Variants in ST3GAL6 observed in about 807,000 individuals in gnomAD.
ST3GAL6 encodes ST3 beta-galactoside alpha-2,3-sialyltransferase 6.
ST3GAL6 carries 31 observed loss-of-function variants against 40.5 expected under a neutral mutation model. The ratio of observed to expected loss-of-function variants is 0.77; its 90% CI spans 0.58 to 1.03. ST3GAL6 has a LOEUF of 1.03. Among genes scored for constraint, ST3GAL6 ranks in the 50% least tolerant of loss-of-function variants. The probability of loss-of-function intolerance (pLI) is 0.00; values close to 1 mark genes in which losing one functional copy is unlikely to be tolerated. For synonymous variants in ST3GAL6, 129 were observed against 136.9 expected (o/e 0.94, Z 0.40); for missense variants, 357 against 393.2 (o/e 0.91, Z 0.78).
At chr3:98,782,594 T>C in intron 5 of ST3GAL6, 2 of 512,694 alleles carry the variant, frequency 3.9e-6, no homozygotes, top group South Asian at 4.1e-5. Context: ...GCACTGTCCC[T>C]GGGGTCATCC....
chr3:98,746,223 T>C (rs1936535329), intron 1 of ST3GAL6, among the ~76,000 whole-genome samples: 1 of 152,200 alleles, frequency 6.6e-6, no homozygotes, highest in Non-Finnish European at 1.5e-5. Context: ...TCCTGAAGCT[T>C]GGAAGCGTTT....
intron 1 of ST3GAL6, among the ~76,000 whole-genome samples, chr3:98,735,288 A>C (rs921951151): frequency 1.1e-4 from 17 of 152,200 alleles, no homozygotes; most frequent in African/African-American, 4.1e-4. Context: ...CATTCTGCAC[A>C]AATTCTTCCA....
upstream of ST3GAL6, chr3:98,762,716 C>T: frequency 1.2e-6 from 1 of 806,172 alleles, no homozygotes; most frequent in Non-Finnish European, 1.5e-6. Context: ...ACAGTTCATA[C>T]TCTTAAAAAT....
intron 1 of ST3GAL6, among the ~76,000 whole-genome samples, chr3:98,754,131 A>C (rs925349537): frequency 6.6e-6 from 1 of 152,224 alleles, no homozygotes; most frequent in Non-Finnish European, 1.5e-5. Flanking sequence ...TCACATAGAT[A>C]GTGACCCCTC....
Position 98,773,962 on chromosome 3 carries a change from A to T in ST3GAL6, c.314A>T (p.Asp105Val). The change falls in exon 5 of 10, where the codon GAT (aspartate) becomes GTT (valine). Residue 105 changes from aspartate (D) to valine (V), a missense_variant. Transcript: ENST00000483910. The stretch of plus-strand genomic sequence containing the variant: ...GCTCTTTCAAAACTGCAGAGTTGTG[A>T]TCTCTTTGATGAGTTTGACAAGTGA... ...RLALSKLQSC[D>V]LFDEFDNIPC... is the part of the protein sequence containing the mutation. The T allele has an allele frequency of 6.2e-7, 1 of 1,613,356 alleles. No homozygotes were observed. Among genetic ancestry groups the T allele is most frequent in the East Asian group, 2.2e-5 (1 of 44,842 alleles).
chr3:98,768,837 G>T (rs1938656975), intron 2 of ST3GAL6, among the ~76,000 whole-genome samples: 1 of 152,088 alleles, frequency 6.6e-6, no homozygotes, highest in East Asian at 1.9e-4. Context: ...TAATTACTGG[G>T]CTCAGTGGTA....
chr3:98,743,569 A>G (rs957684007), intron 1 of ST3GAL6, among the ~76,000 whole-genome samples: 1 of 152,138 alleles, frequency 6.6e-6, no homozygotes, highest in Non-Finnish European at 1.5e-5. Context: ...TTATGGAAAT[A>G]TATCAGACAT....
intron 1 of ST3GAL6, among the ~76,000 whole-genome samples, chr3:98,750,657 A>G (rs1423855430): frequency 1.3e-5 from 2 of 152,006 alleles, no homozygotes; most frequent in Admixed American, 1.3e-4. Context: ...GCAACTTAAC[A>G]GGATGCTCAG....
chr3:98,748,333 T>G (rs1206007617), intron 1 of ST3GAL6, among the ~76,000 whole-genome samples: 3 of 152,226 alleles, frequency 2.0e-5, no homozygotes, highest in Non-Finnish European at 4.4e-5. Context: ...CAGTCTCCTT[T>G]TCTGTAGAGT....
intron 1 of ST3GAL6, 56 bp downstream of exon 1, chr3:98,763,495 T>C (rs939387125): frequency 4.5e-5 from 58 of 1,285,054 alleles, no homozygotes; most frequent in Non-Finnish European, 5.7e-5. Flanking sequence ...TAAATCTAGA[T>C]GCTGCTGAGA....
At chr3:98,751,899 A>G (rs1937033804) in intron 1 of ST3GAL6, among the ~76,000 whole-genome samples, 1 of 152,256 alleles carries the variant, frequency 6.6e-6, no homozygotes, top group Admixed American at 6.5e-5. Flanking sequence ...TTATGTTACT[A>G]TATGATTTTC....
At chr3:98,739,403 A>C (rs111373446) in intron 1 of ST3GAL6, among the ~76,000 whole-genome samples, 148 of 104,808 alleles carry the variant, frequency 1.4e-3, no homozygotes, top group African/African-American at 4.6e-3. Flanking sequence ...AAAAAACCCC[A>C]AAAAAACCCA....
At chr3:98,790,133 G>T (rs1457781254) in intron 8 of ST3GAL6, among the ~76,000 whole-genome samples, 3 of 152,166 alleles carry the variant, frequency 2.0e-5, no homozygotes, top group African/African-American at 7.2e-5. Flanking sequence ...AACAAGGATC[G>T]TAGAAATGAA....
intron 5 of ST3GAL6, chr3:98,783,796 AT>A (rs1940417375): frequency 2.1e-6 from 1 of 480,044 alleles, no homozygotes; most frequent in African/African-American, 2.1e-5. Context: ...ACTCTTTAAT[AT>A]TTGAGAGCAT....
At chr3:98,774,065 T>C (rs1176843455) in intron 5 of ST3GAL6, 82 bp downstream of exon 5, 1 of 1,184,998 alleles carries the variant, frequency 8.4e-7, no homozygotes, top group African/African-American at 1.5e-5. Context: ...AAATGTAAGA[T>C]GTATTTACTC....
chr3:98,738,620 A>G (rs1256919764), intron 1 of ST3GAL6, among the ~76,000 whole-genome samples: 2 of 152,220 alleles, frequency 1.3e-5, no homozygotes, highest in Non-Finnish European at 2.9e-5. Context: ...ACTAATACAG[A>G]TGGGCAATAC....
At chr3:98,734,668 T>C (rs1196141551) in intron 1 of ST3GAL6, among the ~76,000 whole-genome samples, 1 of 152,214 alleles carries the variant, frequency 6.6e-6, no homozygotes, top group Non-Finnish European at 1.5e-5. Context: ...TAGTTTGTTC[T>C]TATGCCCTAT....
chr3:98,775,274 G>A (rs1288846281), intron 5 of ST3GAL6, among the ~76,000 whole-genome samples: 1 of 152,080 alleles, frequency 6.6e-6, no homozygotes, highest in Non-Finnish European at 1.5e-5. Flanking sequence ...GTCGGAGTTC[G>A]AGACCAGCCT....
At chr3:98,761,714 G>A (rs1169558214), upstream of ST3GAL6, among the ~76,000 whole-genome samples, 4 of 151,964 alleles carry the variant, frequency 2.6e-5, no homozygotes, top group Non-Finnish European at 4.4e-5. Context: ...GAGAATACAG[G>A]GACAATTTTT....
Sources: allele counts gnomAD v4.1 joint callset (sites outside exome capture counted in the v4.1 genomes callset), GRCh38; gene constraint gnomAD v4.1.1; transcripts MANE v1.5; gene names NCBI Gene and HGNC (gene_info 2026-07-23, HGNC 2026-07-21).